Variants in FHIP1A observed in about 807,000 individuals in gnomAD.
The protein encoded by FHIP1A is FHF complex subunit HOOK interacting protein 1A.
Under a neutral mutation model 88.6 loss-of-function variants are expected in FHIP1A, and 61 were observed. That is an observed-to-expected ratio of 0.69 (90% CI 0.56 to 0.85). The LOEUF (loss-of-function observed/expected upper bound fraction) is 0.85. FHIP1A is among the 40% of genes least tolerant of loss of function. FHIP1A has a pLI of 0.00. For synonymous variants in FHIP1A, 478 were observed against 496.0 expected, an observed-to-expected ratio of 0.96 and a Z score of 0.48; for missense variants, 1,154 against 1,273.5, an observed-to-expected ratio of 0.91 and a Z score of 1.43.
At chr4:151,524,237 G>A (rs1731550535) in intron 3 of FHIP1A, among the ~76,000 whole-genome samples, 1 of 151,790 alleles carries the variant, frequency 6.6e-6, no homozygotes, top group South Asian at 2.1e-4. Context: ...GGGAGGCGGA[G>A]GTTGCAGTGA....
rs1332166099 is a variant in FHIP1A at position 151,464,595 on chromosome 4, A to G, written c.-248+9787A>G. ...TGCTTCCTGAGGGTAAAATTTTAAA[A>G]CAAAACTGCTCCAAGTTCTTCCTCT... On this transcript the variant is annotated intron_variant, in intron 2 of 13. Transcript: ENST00000435205. Among the ~76,000 whole-genome samples the G allele has an allele frequency of 3.3e-5, 5 of 152,158 alleles. No homozygotes were observed. In the East Asian group the frequency reaches 9.7e-4, roughly 29 times the overall value.
intron 7 of FHIP1A, among the ~76,000 whole-genome samples, chr4:151,625,308 C>G (rs113304699): frequency 6.6e-6 from 1 of 152,134 alleles, no homozygotes; most frequent in Non-Finnish European, 1.5e-5. Flanking sequence ...GGAAGGGTGG[C>G]TTCTAATTTG....
chr4:151,592,221 G>A (rs1359444926), intron 7 of FHIP1A, among the ~76,000 whole-genome samples: 1 of 151,780 alleles, frequency 6.6e-6, no homozygotes, highest in Non-Finnish European at 1.5e-5. Context: ...TGCAAACTCC[G>A]CCTCCCAGGT....
intron 1 of FHIP1A, among the ~76,000 whole-genome samples, chr4:151,431,273 G>A (rs1733580714): frequency 1.3e-5 from 2 of 152,024 alleles, no homozygotes; most frequent in Admixed American, 1.3e-4. Flanking sequence ...GAATCAGTGA[G>A]TTAATCCTTG....
chr4:151,525,566 A>C (rs1731598542), intron 3 of FHIP1A, among the ~76,000 whole-genome samples: 1 of 152,220 alleles, frequency 6.6e-6, no homozygotes, highest in African/African-American at 2.4e-5. Context: ...CCCCACTTCA[A>C]ATTACCCAGA....
rs11947755 is a variant in FHIP1A, at chr4:151,520,142, A to C, written c.-123+37494A>C. Among the ~76,000 whole-genome samples the C allele has an allele frequency of 5.9e-3, 895 of 152,288 alleles. 9 individuals are homozygous for C. The highest frequency in any genetic ancestry group is 0.02 in the African/African-American group (838 of 41,562). ...ATTGCTTTCTGTGGCCTGTTGCCAC[A>C]TGTCAAGATGATATTCTCCTGTGTT... On this transcript the variant is annotated intron_variant, in intron 3 of 13. Coordinates refer to ENST00000435205, the MANE Select transcript of FHIP1A (RefSeq NM_001109977.3).
intron 4 of FHIP1A, among the ~76,000 whole-genome samples, chr4:151,570,902 G>A (rs1336237688): frequency 6.6e-6 from 1 of 152,224 alleles, no homozygotes; most frequent in Non-Finnish European, 1.5e-5. Context: ...ATCTGGAAGA[G>A]TGTGTGTATA....
rs1480526870 is a variant in FHIP1A, at chr4:151,649,776, T to G, written c.1735T>G (p.Trp579Gly). ...RKDKSQTELE[W>G]DDSYDTGISS... Reference sequence around the variant, plus strand: ...GGACAAGAGCCAGACAGAGCTGGAATGGGATGACAGCTATGACACTGGAAT... The same window carrying G: ...GGACAAGAGCCAGACAGAGCTGGAAGGGGATGACAGCTATGACACTGGAAT... The change falls in exon 11 of 14, where the codon TGG becomes GGG. Residue 579 changes from tryptophan (W) to glycine (G), a missense_variant. Trp to Gly is a radical substitution (Grantham distance 184). Transcript: ENST00000435205. 1.9e-6 allele frequency: 3 copies of G among 1,551,480 alleles called. No homozygotes were observed. The highest frequency in any genetic ancestry group is 2.6e-6 in the Non-Finnish European group (3 of 1,146,958).
chr4:151,489,520 T>G (rs1580625335), intron 3 of FHIP1A, among the ~76,000 whole-genome samples: 1 of 151,760 alleles, frequency 6.6e-6, no homozygotes, highest in Non-Finnish European at 1.5e-5. Flanking sequence ...TGCAGGCAGG[T>G]GGGGAGGGGC....
intron 9 of FHIP1A, among the ~76,000 whole-genome samples, chr4:151,640,142 A>G (rs918993190): frequency 6.6e-6 from 1 of 152,212 alleles, no homozygotes; most frequent in African/African-American, 2.4e-5. Context: ...CCAGCAAGCC[A>G]TGTTTTAACA....
chr4:151,411,766 C>T (rs1197888950), intron 1 of FHIP1A, among the ~76,000 whole-genome samples: 2 of 152,182 alleles, frequency 1.3e-5, no homozygotes, highest in African/African-American at 2.4e-5. Context: ...CTGTGTACAT[C>T]TGTCTTCTAG....
chr4:151,605,841 C>T (rs1037834912), intron 7 of FHIP1A, among the ~76,000 whole-genome samples: 1 of 152,210 alleles, frequency 6.6e-6, no homozygotes, highest in African/African-American at 2.4e-5. Flanking sequence ...AGAGCAGCCA[C>T]ACTTGTGAGT....
chr4:151,548,949 AGCACACCT>A (rs1732614845), intron 3 of FHIP1A, among the ~76,000 whole-genome samples: 1 of 152,212 alleles, frequency 6.6e-6, no homozygotes, highest in African/African-American at 2.4e-5. Context: ...CAATGGTGAG[AGCACACCT>A]GGACAGGGGA....
intron 3 of FHIP1A, among the ~76,000 whole-genome samples, chr4:151,508,338 G>A (rs921122921): frequency 1.3e-5 from 2 of 152,206 alleles, no homozygotes; most frequent in Non-Finnish European, 2.9e-5. Flanking sequence ...GCCTTCATGT[G>A]CAGCCTAGTA....
At chr4:151,513,099 A>G (rs1176623640) in intron 3 of FHIP1A, among the ~76,000 whole-genome samples, 1 of 152,222 alleles carries the variant, frequency 6.6e-6, no homozygotes, top group Non-Finnish European at 1.5e-5. Context: ...CTAACAGCGG[A>G]TCTCTCGGCA....
At chr4:151,466,779 T>C (rs1250513051) in intron 2 of FHIP1A, among the ~76,000 whole-genome samples, 1 of 152,186 alleles carries the variant, frequency 6.6e-6, no homozygotes, top group East Asian at 1.9e-4. Flanking sequence ...GCTAGTCACA[T>C]GCAGAAAACT....
At chr4:151,594,500 A>AGAAGTGT (rs1734570058) in intron 7 of FHIP1A, among the ~76,000 whole-genome samples, 1 of 151,716 alleles carries the variant, frequency 6.6e-6, no homozygotes, top group African/African-American at 2.4e-5. Flanking sequence ...TAGATTTTCT[A>AGAAGTGT]GTTTATTTGC....
chr4:151,517,322 G>A (rs1731279739), intron 3 of FHIP1A, among the ~76,000 whole-genome samples: 2 of 151,980 alleles, frequency 1.3e-5, no homozygotes, highest in Non-Finnish European at 2.9e-5. Context: ...GAGGGGGGAG[G>A]CATAGCTTTA....
At chr4:151,467,817 C>T (rs750188151) in intron 2 of FHIP1A, among the ~76,000 whole-genome samples, 4 of 151,878 alleles carry the variant, frequency 2.6e-5, no homozygotes, top group Admixed American at 6.6e-5. Flanking sequence ...CGACACACAC[C>T]AGGACCTGTC....
Sources: gnomAD v4.1 joint callset for allele counts (sites outside exome capture counted in the v4.1 genomes callset) on GRCh38, gnomAD v4.1.1 for gene constraint, MANE v1.5 for transcripts, NCBI Gene and HGNC (gene_info 2026-07-23, HGNC 2026-07-21) for gene names.